DOT1L: variants seen among roughly 807,000 people sequenced by gnomAD.
DOT1L encodes the protein DOT1 like histone lysine methyltransferase, also known as histone-lysine N-methyltransferase, H3 lysine-79 specific.
DOT1L carries 33 observed loss-of-function variants against 153.3 expected under a neutral mutation model. That is an observed-to-expected ratio of 0.22 (90% CI 0.16 to 0.29). The LOEUF is 0.29. Ranked by LOEUF, DOT1L falls within the 10% of genes least tolerant of loss-of-function variation. The pLI is 1.00. For missense variants in DOT1L, 1,847 were observed against 2,119.9 expected (o/e 0.87, Z 2.53); for synonymous variants, 1,135 against 965.1 (o/e 1.18, Z -3.26).
chr19:2,180,614 A>G (rs1262878579), intron 1 of DOT1L, 99 bp from the exon 2 acceptor site: 14 of 1,435,402 alleles, frequency 9.8e-6, no homozygotes, highest in Admixed American at 1.9e-5. Flanking sequence ...TGGGAAATGA[A>G]GAGATGGGAA....
chr19:2,189,708 A>G, intron 3 of DOT1L, 24 bp from the exon 4 acceptor site: 1 of 1,608,242 alleles, frequency 6.2e-7, no homozygotes, highest in African/African-American at 1.3e-5. Flanking sequence ...CCGCATGACC[A>G]GGGCCTTCCC....
intron 27 of DOT1L, 83 bp from the exon 28 acceptor site, chr19:2,229,702 C>G (rs373421177): frequency 1.9e-6 from 3 of 1,608,436 alleles, no homozygotes; most frequent in Admixed American, 3.3e-5. Flanking sequence ...TGGGAGGCCT[C>G]GGTCCCCAGC....
rs1432795515 is a variant in DOT1L at position 2,191,848 on chromosome 19, G to T, written c.493+608G>T. ...CCTGCACTCAGACTCTGCTTGTGAG[G>T]TGTCGTCTCCTCTCAACCACGGGCG... On this transcript the variant is annotated intron_variant, in intron 5 of 27. Transcript: ENST00000398665. This position sits in a 1 kb window ranked among gnomAD's most constrained non-coding sequence, Gnocchi z 6.8. 1.3e-5 allele frequency among the ~76,000 whole-genome samples: 2 copies of T among 152,196 alleles called. No individual in the cohort carries two copies. The highest frequency in any genetic ancestry group is 6.5e-5 in the Admixed American group (1 of 15,280).
chr19:2,221,701 G>C, intron 23 of DOT1L: 1 of 478,220 alleles, frequency 2.1e-6, no homozygotes, highest in South Asian at 4.4e-5. Context: ...GCCCGCACCA[G>C]GAGGCTTCTT....
chr19:2,213,682 C>T (rs764403912), intron 17 of DOT1L, 42 bp downstream of exon 17: 15 of 1,609,386 alleles, frequency 9.3e-6, no homozygotes, highest in South Asian at 8.8e-5. Context: ...GCAGCTGGGG[C>T]GCAGGCTGGG....
intron 1 of DOT1L, among the ~76,000 whole-genome samples, chr19:2,179,800 C>G (rs1057356838): frequency 2.0e-5 from 3 of 152,160 alleles, no homozygotes; most frequent in African/African-American, 7.2e-5. Flanking sequence ...AACAAACAAA[C>G]AAACAGAAAA....
Position 2,216,568 on chromosome 19 carries a change from G to T in DOT1L, c.2211G>T (p.Gln737His). The change falls in exon 20 of 28, where the codon CAG becomes CAT. Residue 737 changes from glutamine to histidine, a missense_variant. Transcript: ENST00000398665. ...SRPSSKQNTP[Q>H]YLASPLDQEV... ...CTTCGTCGAAGCAGAACACGCCCCA[G>T]TACCTGGCCTCACCCCTGGACCAGG... is the stretch of plus-strand genomic sequence containing the variant. 4.3e-6 allele frequency: 7 copies of T among 1,609,654 alleles called. No homozygotes were observed. Among genetic ancestry groups the T allele is most frequent in the Non-Finnish European group, 5.1e-6 (6 of 1,179,918 alleles).
intron 27 of DOT1L, chr19:2,228,591 G>C (rs2144954270): frequency 1.0e-6 from 1 of 985,396 alleles, no homozygotes; most frequent in East Asian, 1.1e-4. Context: ...TTGGGTTCCA[G>C]CTGCCCGCAG....
chr19:2,231,769 C>T lies in DOT1L; in HGVS notation c.*1977C>T, dbSNP rs1225286936. On this transcript the variant is annotated 3_prime_UTR_variant, in exon 28 of 28. Coordinates refer to ENST00000398665, the MANE Select transcript of DOT1L (RefSeq NM_032482.3). Reference sequence around the variant, plus strand: ...TCTAGAACAAGACACATTCTTTAAACACTGTATTACTTCTGCCTCCCTCTA... The same window carrying T: ...TCTAGAACAAGACACATTCTTTAAATACTGTATTACTTCTGCCTCCCTCTA... 4 of 214,098 alleles carry T rather than the reference C, an allele frequency of 1.9e-5. No homozygotes were observed. Among genetic ancestry groups the T allele is most frequent in the African/African-American group, 9.0e-5 (4 of 44,216 alleles). The allele number at this position is 214,098 out of a possible 1,614,324, so 13.3% of individuals were successfully genotyped here.
rs376842010 is a variant in DOT1L at position 2,232,316 on chromosome 19, G to A, written c.*2524G>A. On this transcript the variant is annotated 3_prime_UTR_variant, in exon 28 of 28. Transcript: ENST00000398665. The stretch of plus-strand genomic sequence containing the variant: ...ATCTGCCCCCAGGATGCGTCAGTCT[G>A]TTCAGTGGTCAGCAGGCCCCCCACC... The A allele has an allele frequency of 4.1e-5, 9 of 217,818 alleles. No individual in the cohort carries two copies. Among genetic ancestry groups the A allele is most frequent in the South Asian group, 3.7e-4 (2 of 5,386 alleles). 13.5% of individuals were successfully genotyped at this position (217,818 alleles called of 1,614,324 possible).
intron 1 of DOT1L, among the ~76,000 whole-genome samples, chr19:2,169,021 C>T (rs540870595): frequency 1.3e-5 from 2 of 152,168 alleles, no homozygotes; most frequent in Admixed American, 6.5e-5. Flanking sequence ...GGCCACAGAA[C>T]GGGACCTTCC....
At chr19:2,196,701 C>T (rs2023035554) in intron 7 of DOT1L, among the ~76,000 whole-genome samples, 1 of 152,146 alleles carries the variant, frequency 6.6e-6, no homozygotes, top group South Asian at 2.1e-4. Context: ...CTTAGCAGTC[C>T]GTGTGCCTTT....
At position 2,221,976 on chromosome 19, in the gene DOT1L, G is replaced by C. The variant is rs746378975; in HGVS notation, c.2807G>C (p.Gly936Ala). The change falls in exon 24 of 28, where the codon GGC becomes GCC. Residue 936 changes from glycine to alanine, a missense_variant and splice_region_variant. By Grantham distance (60) the Gly-to-Ala change is moderately conservative. Coordinates refer to ENST00000398665, the MANE Select transcript of DOT1L (RefSeq NM_032482.3). ...GSRSLALAPAGFSYAGSVAIS... is the reference protein window; with the variant it reads ...GSRSLALAPAAFSYAGSVAIS... ...GAGACCCCCATGTCCTTCCCGGCAG[G>C]CTTCTCCTACGCTGGCTCGGTGGCC... The C allele has an allele frequency of 1.2e-6, 2 of 1,600,928 alleles. No homozygotes were observed. Among genetic ancestry groups the C allele is most frequent in the African/African-American group, 2.7e-5 (2 of 74,698 alleles).
intron 25 of DOT1L, among the ~76,000 whole-genome samples, chr19:2,223,775 G>A (rs2024221672): frequency 6.6e-6 from 1 of 152,210 alleles, no homozygotes; most frequent in African/African-American, 2.4e-5. Context: ...CTTCAGCAGT[G>A]AGGCGTTGGA....
chr19:2,177,108 G>A (rs891489801), intron 1 of DOT1L, among the ~76,000 whole-genome samples: 3 of 152,180 alleles, frequency 2.0e-5, no homozygotes, highest in Non-Finnish European at 1.5e-5. Context: ...GTGGGGGTCC[G>A]CAGGAAGAAG....
At chr19:2,196,742 C>T (rs915147912) in intron 7 of DOT1L, among the ~76,000 whole-genome samples, 15 of 152,136 alleles carry the variant, frequency 9.9e-5, no homozygotes, top group African/African-American at 3.4e-4. Flanking sequence ...TCGTGCTGGC[C>T]GGCGCTGGCA....
rs1300447570 is a variant in DOT1L at position 2,193,176 on chromosome 19, C to T, written c.494-513C>T. Among the ~76,000 whole-genome samples the T allele has an allele frequency of 1.3e-5, 2 of 152,200 alleles. No individual in the cohort carries two copies. Among genetic ancestry groups the T allele is most frequent in the South Asian group, 2.1e-4 (1 of 4,828 alleles). ...GTGTGCTGATGCTGTGAAACCGCAG[C>T]GGCCGGGAGACTGTCCTGGCTGCGG... On this transcript the variant is annotated intron_variant, in intron 5 of 27. Coordinates refer to ENST00000398665, the MANE Select transcript of DOT1L (RefSeq NM_032482.3). The surrounding 1 kb of genome is among the most constrained non-coding windows in gnomAD (Gnocchi z 5.9).
chr19:2,230,554 C>G lies in DOT1L; in HGVS notation c.*762C>G, dbSNP rs529486883. ...TTTACTTTTGTATTTCTCGGCTGTC[C>G]ATGGCTCGCAGCATGCCCTGCGATG... is the stretch of plus-strand genomic sequence containing the variant. On this transcript the variant is annotated 3_prime_UTR_variant, in exon 28 of 28. Coordinates refer to ENST00000398665, the MANE Select transcript of DOT1L (RefSeq NM_032482.3). 287 of 398,730 alleles carry G rather than the reference C, an allele frequency of 7.2e-4. No homozygotes were observed. Among genetic ancestry groups the G allele is most frequent in the African/African-American group, 5.5e-3 (270 of 48,778 alleles). The allele number at this position is 398,730 out of a possible 1,614,324, so 24.7% of individuals were successfully genotyped here. A position where few individuals can be genotyped will look rare whatever the true frequency, so the allele number is the denominator to read the frequency against.
intron 27 of DOT1L, chr19:2,229,120 C>T (rs1334378034): frequency 1.0e-6 from 1 of 985,386 alleles, no homozygotes; most frequent in Non-Finnish European, 1.2e-6. Context: ...AGACGGTGCC[C>T]ACCTTTGAGA....
Sources: allele counts gnomAD v4.1 joint callset (sites outside exome capture counted in the v4.1 genomes callset), GRCh38; gene constraint gnomAD v4.1.1; non-coding constraint Gnocchi (gnomAD v3.1); transcripts MANE v1.5; gene names NCBI Gene and HGNC (gene_info 2026-07-23, HGNC 2026-07-21).